Variants in DLG2 observed in about 807,000 individuals in gnomAD.
DLG2 encodes disks large homolog 2.
DLG2 carries 45 observed loss-of-function variants against 132.5 expected under a neutral mutation model. The observed-to-expected ratio is 0.34, with a 90% CI of 0.27 to 0.44. The LOEUF (loss-of-function observed/expected upper bound fraction) is 0.44. Ranked by LOEUF, DLG2 falls within the 20% of genes least tolerant of loss-of-function variation. The pLI is 1.00. For synonymous variants in DLG2, 424 were observed against 419.6 expected (o/e 1.01, Z -0.13); for missense variants, 1,045 against 1,196.9 (o/e 0.87, Z 1.87).
At chr11:83,968,344 G>A (rs1207494366) in intron 12 of DLG2, among the ~76,000 whole-genome samples, 1 of 152,140 alleles carries the variant, frequency 6.6e-6, no homozygotes, top group African/African-American at 2.4e-5. Flanking sequence ...CTGGCTGTGA[G>A]TTCTCCATTA....
At chr11:85,538,209 C>T (rs1269509467) in intron 3 of DLG2, among the ~76,000 whole-genome samples, 1 of 151,948 alleles carries the variant, frequency 6.6e-6, no homozygotes, top group South Asian at 2.1e-4. Context: ...AGACCAAGAA[C>T]CCACCAATTC....
intron 7 of DLG2, among the ~76,000 whole-genome samples, chr11:84,302,016 C>A (rs2098161309): frequency 6.6e-6 from 1 of 152,016 alleles, no homozygotes; most frequent in Non-Finnish European, 1.5e-5. Flanking sequence ...TACTATGCAG[C>A]CATAAAAAAG....
At chr11:83,484,076 G>T in intron 22 of DLG2, 53 bp downstream of exon 22, 1 of 1,482,340 alleles carries the variant, frequency 6.7e-7, no homozygotes, top group South Asian at 1.1e-5. Flanking sequence ...TGTTGCCTGT[G>T]AATTTTTTTT....
At chr11:84,955,416 C>T (rs2051517793) in intron 6 of DLG2, 1 of 152,152 alleles carries the variant, frequency 6.6e-6, no homozygotes, top group Non-Finnish European at 1.5e-5. Context: ...AGCTGGAAAC[C>T]TCAGAGTTGG....
At chr11:85,056,726 G>C (rs2063501594) in intron 6 of DLG2, among the ~76,000 whole-genome samples, 1 of 151,918 alleles carries the variant, frequency 6.6e-6, no homozygotes, top group African/African-American at 2.4e-5. Flanking sequence ...GAAAACCAAT[G>C]ACAGAGACTG....
chr11:83,764,258 T>C (rs2094041947), intron 18 of DLG2, among the ~76,000 whole-genome samples: 4 of 152,002 alleles, frequency 2.6e-5, no homozygotes, highest in Admixed American at 2.6e-4. Context: ...GAGGGAGTAA[T>C]GATTGTGAGA....
chr11:85,324,351 T>C (rs919053139), intron 3 of DLG2, among the ~76,000 whole-genome samples: 4 of 152,150 alleles, frequency 2.6e-5, no homozygotes, highest in African/African-American at 9.7e-5. Context: ...TTCATAGAGG[T>C]AGCCTTATAT....
chr11:84,440,763 G>T (rs1458954152), intron 7 of DLG2, among the ~76,000 whole-genome samples: 1 of 152,088 alleles, frequency 6.6e-6, no homozygotes, highest in Non-Finnish European at 1.5e-5. Flanking sequence ...AAGCAGCTTT[G>T]GGTTCATGCC....
At chr11:84,815,465 C>T (rs2076993365) in intron 6 of DLG2, among the ~76,000 whole-genome samples, 1 of 152,038 alleles carries the variant, frequency 6.6e-6, no homozygotes, top group African/African-American at 2.4e-5. Context: ...TTACCTGCTG[C>T]ATCACCGAAG....
intron 3 of DLG2, among the ~76,000 whole-genome samples, chr11:85,317,129 T>A (rs1312731257): frequency 1.3e-5 from 2 of 151,730 alleles, no homozygotes; most frequent in Non-Finnish European, 2.9e-5. Context: ...AAACATCTTG[T>A]GTAAAAGCTC....
At chr11:85,586,991 G>A (rs1054393341) in intron 3 of DLG2, among the ~76,000 whole-genome samples, 5 of 152,080 alleles carry the variant, frequency 3.3e-5, no homozygotes, top group Admixed American at 1.3e-4. Flanking sequence ...GAATTTCCAA[G>A]TATTTGTATA....
intron 6 of DLG2, among the ~76,000 whole-genome samples, chr11:84,941,947 A>C (rs1591607677): frequency 6.6e-6 from 1 of 151,794 alleles, no homozygotes; most frequent in Non-Finnish European, 1.5e-5. Flanking sequence ...TTCAGGTTTT[A>C]GGGTTTTAGA....
At chr11:85,333,059 T>C (rs2081877829) in intron 3 of DLG2, among the ~76,000 whole-genome samples, 2 of 152,236 alleles carry the variant, frequency 1.3e-5, no homozygotes, top group African/African-American at 2.4e-5. Flanking sequence ...ATTTTAACAA[T>C]ATTGATTCTT....
chr11:83,803,044 C>G (rs775964766), intron 17 of DLG2, among the ~76,000 whole-genome samples: 11 of 152,042 alleles, frequency 7.2e-5, no homozygotes, highest in Non-Finnish European at 1.5e-4. Flanking sequence ...GTTTGTGTTA[C>G]CTTAGCAATA....
Position 83,458,754 on chromosome 11 carries a change from A to T in DLG2, c.*1064T>A, listed in dbSNP as rs2089378545. The T allele has an allele frequency of 6.6e-6, 1 of 152,264 alleles. No individual in the cohort carries two copies. The highest frequency in any genetic ancestry group is 2.4e-5 in the African/African-American group (1 of 41,476). 9.4% of individuals were successfully genotyped at this position (152,264 alleles called of 1,614,324 possible). ...GAGGAAAGCAAAAACTTCCCTTTAG[A>T]TCATTTGCATAAGTTTGTCTCTGAA... On this transcript the variant is annotated 3_prime_UTR_variant, in exon 28 of 28. Transcript: ENST00000376104.
chr11:85,377,081 TGTAA>T (rs2085466719), intron 3 of DLG2, among the ~76,000 whole-genome samples: 1 of 152,190 alleles, frequency 6.6e-6, no homozygotes, highest in African/African-American at 2.4e-5. Flanking sequence ...GCCAAGGTCA[TGTAA>T]GTGATAGAGG....
chr11:85,393,414 C>A (rs930420184), intron 3 of DLG2, among the ~76,000 whole-genome samples: 1 of 152,046 alleles, frequency 6.6e-6, no homozygotes, highest in Admixed American at 6.6e-5. Context: ...TTTGGAGATT[C>A]CTTAAAGAAC....
In DLG2 at chr11:85,182,352, T is replaced by C. The variant is rs1477156747; in HGVS notation, c.187-27701A>G. The stretch of plus-strand genomic sequence containing the variant: ...CACACTTCTCTTCACAATCTAAACA[T>C]GTTAAAGTGATCAAGTGGAGAAAAA... On this transcript the variant is annotated intron_variant, in intron 4 of 27. Coordinates refer to ENST00000376104, the MANE Select transcript of DLG2 (RefSeq NM_001142699.3). Among the ~76,000 whole-genome samples the C allele has an allele frequency of 1.3e-5, 2 of 152,068 alleles. 1 individual carries two copies. Among genetic ancestry groups the C allele is most frequent in the South Asian group, 4.1e-4 (2 of 4,826 alleles).
At position 85,351,678 on chromosome 11, in the gene DLG2, C is replaced by T. The variant is rs563802383; in HGVS notation, c.41-66313G>A. On this transcript the variant is annotated intron_variant, in intron 3 of 27. Coordinates refer to ENST00000376104, the MANE Select transcript of DLG2 (RefSeq NM_001142699.3). ...TCTATTGAGATAATTATGTGGTTTT[C>T]GTTGTTGGTTCTGTTTACGTGATGG... Among the ~76,000 whole-genome samples the T allele has an allele frequency of 2.1e-4, 32 of 152,094 alleles. No individual in the cohort carries two copies. In the South Asian group the frequency reaches 6.0e-3, roughly 29 times the overall value.
Sources: allele counts gnomAD v4.1 joint callset (sites outside exome capture counted in the v4.1 genomes callset), GRCh38; gene constraint gnomAD v4.1.1; transcripts MANE v1.5; gene names NCBI Gene and HGNC (gene_info 2026-07-23, HGNC 2026-07-21).